The following STARD13 variants were observed in gnomAD, a reference collection of about 807,000 sequenced individuals.
STARD13 encodes the protein stAR-related lipid transfer protein 13.
Under a neutral mutation model 106.4 loss-of-function variants are expected in STARD13, and 62 were observed. That is an observed-to-expected ratio of 0.58 (90% CI 0.48 to 0.72). The LOEUF (loss-of-function observed/expected upper bound fraction) is 0.72. Among genes scored for constraint, STARD13 ranks in the 30% least tolerant of loss-of-function variants. The probability of loss-of-function intolerance (pLI) is 0.00; values close to 1 mark genes in which losing one functional copy is unlikely to be tolerated. For synonymous variants in STARD13, 565 were observed against 553.0 expected (o/e 1.02, Z -0.31); for missense variants, 1,387 against 1,424.0 (o/e 0.97, Z 0.42).
chr13:33,420,229 A>G, the STARD13 span, among the ~76,000 whole-genome samples: 33 of 152,214 alleles, frequency 2.2e-4, no homozygotes, highest in African/African-American at 7.5e-4. Flanking sequence ...GCAGAGACAC[A>G]CATAGGCTCA....
At chr13:33,266,617 C>A (rs758670095) in intron 1 of STARD13, among the ~76,000 whole-genome samples, 3 of 152,198 alleles carry the variant, frequency 2.0e-5, no homozygotes, top group Admixed American at 6.5e-5. Context: ...CTGCTTAGGA[C>A]AACTCTGCGA....
chr13:33,209,686 T>C (rs1219759018), intron 1 of STARD13, among the ~76,000 whole-genome samples: 1 of 151,728 alleles, frequency 6.6e-6, no homozygotes, highest in Non-Finnish European at 1.5e-5. Context: ...AGAAGCGGAG[T>C]CCAAGACAAG....
chr13:33,304,411 A>C (rs1165305292), intron 1 of STARD13, among the ~76,000 whole-genome samples: 1 of 152,176 alleles, frequency 6.6e-6, no homozygotes, highest in Non-Finnish European at 1.5e-5. Flanking sequence ...CTTTACATTA[A>C]TTTCATATAA....
At chr13:33,313,984 A>G (rs1210212141) in intron 1 of STARD13, among the ~76,000 whole-genome samples, 1 of 152,172 alleles carries the variant, frequency 6.6e-6, no homozygotes. Context: ...ATAGTTAGGT[A>G]CTTTCATCCT....
intron 1 of STARD13, among the ~76,000 whole-genome samples, chr13:33,209,437 T>C (rs115076329): frequency 0.026 from 3,850 of 149,070 alleles, 155 homozygotes; most frequent in African/African-American, 0.087. Flanking sequence ...GCATGATGTC[T>C]GAATCTTCTC....
intron 1 of STARD13, among the ~76,000 whole-genome samples, chr13:33,242,913 T>C (rs1889603762): frequency 6.6e-6 from 1 of 152,194 alleles, no homozygotes; most frequent in Non-Finnish European, 1.5e-5. Flanking sequence ...TTCCTAGTAA[T>C]TCCTCTAAGT....
chr13:33,166,810 C>T (rs1360934879), intron 2 of STARD13, among the ~76,000 whole-genome samples: 2 of 151,938 alleles, frequency 1.3e-5, no homozygotes, highest in African/African-American at 4.8e-5. Flanking sequence ...GCCTGACCCA[C>T]GTGGTGAAAC....
At chr13:33,651,991 T>C in the STARD13 span, among the ~76,000 whole-genome samples, 30 of 152,340 alleles carry the variant, frequency 2.0e-4, no homozygotes, top group East Asian at 5.2e-3. Context: ...CAGTGTCATG[T>C]TGAGCAGAAG....
chr13:33,391,275 T>C, the STARD13 span, among the ~76,000 whole-genome samples: 224 of 152,244 alleles, frequency 1.5e-3, 2 homozygotes, highest in African/African-American at 5.1e-3. Context: ...ACGAAACCCT[T>C]CAAAATAAGC....
At chr13:33,435,869 G>A in the STARD13 span, among the ~76,000 whole-genome samples, 1 of 152,180 alleles carries the variant, frequency 6.6e-6, no homozygotes, top group Non-Finnish European at 1.5e-5. Flanking sequence ...CTTCGGCTCA[G>A]ATATTTGTCA....
chr13:33,505,258 A>G, the STARD13 span, among the ~76,000 whole-genome samples: 79,358 of 152,002 alleles, frequency 0.52, 21,671 homozygotes, highest in African/African-American at 0.69. Flanking sequence ...GGAAACTGAG[A>G]ATAAGGGAGG....
At chr13:33,157,606 GT>G (rs1327350132) in intron 3 of STARD13, among the ~76,000 whole-genome samples, 8 of 152,152 alleles carry the variant, frequency 5.3e-5, no homozygotes, top group Non-Finnish European at 8.8e-5. Flanking sequence ...TGAGGTGGAG[GT>G]TGTAGTGAGC....
intron 1 of STARD13, among the ~76,000 whole-genome samples, chr13:33,266,128 A>G (rs1376415469): frequency 6.6e-6 from 1 of 152,230 alleles, no homozygotes; most frequent in African/African-American, 2.4e-5. Context: ...GTGGCAGAAC[A>G]CAGACAGCAA....
the STARD13 span, among the ~76,000 whole-genome samples, chr13:33,360,815 A>C: frequency 2.6e-5 from 3 of 116,430 alleles, no homozygotes; most frequent in African/African-American, 6.6e-5. Context: ...TTTTTTTTTG[A>C]GACGGAGTCT....
chr13:33,462,988 T>C, the STARD13 span, among the ~76,000 whole-genome samples: 1 of 152,238 alleles, frequency 6.6e-6, no homozygotes, highest in East Asian at 1.9e-4. Context: ...TCCCATGATA[T>C]ACCTCTGTAT....
the STARD13 span, among the ~76,000 whole-genome samples, chr13:33,474,743 C>T: frequency 6.6e-6 from 1 of 152,122 alleles, no homozygotes; most frequent in African/African-American, 2.4e-5. Flanking sequence ...AAACTATAAT[C>T]CCAGCCAAAA....
At chr13:33,564,528 C>T in the STARD13 span, among the ~76,000 whole-genome samples, 2 of 146,764 alleles carry the variant, frequency 1.4e-5, no homozygotes, top group African/African-American at 2.5e-5. Context: ...AGTTTCACTA[C>T]TGGATGTGTA....
At chr13:33,367,787 A>C in the STARD13 span, among the ~76,000 whole-genome samples, 5 of 151,980 alleles carry the variant, frequency 3.3e-5, no homozygotes, top group Non-Finnish European at 5.9e-5. Flanking sequence ...GTTCTCACTG[A>C]AAGTATTTTT....
At chr13:33,515,696 A>G in the STARD13 span, among the ~76,000 whole-genome samples, 1,351 of 152,250 alleles carry the variant, frequency 8.9e-3, 17 homozygotes, top group African/African-American at 0.031. Flanking sequence ...TCCAAGAAGA[A>G]CCATTTATCA....
Sources: allele counts gnomAD v4.1 joint callset (sites outside exome capture counted in the v4.1 genomes callset), GRCh38; gene constraint gnomAD v4.1.1; transcripts MANE v1.5; gene names NCBI Gene and HGNC (gene_info 2026-07-23, HGNC 2026-07-21).